The following KIF14 variants were observed in gnomAD, a reference collection of about 807,000 sequenced individuals.
KIF14 encodes kinesin family member 14.
A neutral mutation model predicts 176.2 loss-of-function variants in KIF14; 98 were observed. That is an observed-to-expected ratio of 0.56 (90% CI 0.47 to 0.66). The LOEUF (loss-of-function observed/expected upper bound fraction) is 0.66, where lower values mean the gene tolerates loss of function less well. Ranked by LOEUF, KIF14 falls within the 30% of genes least tolerant of loss-of-function variation. The pLI is 0.00. For synonymous variants in KIF14, 566 were observed against 632.2 expected, an observed-to-expected ratio of 0.90 and a Z score of 1.57; for missense variants, 1,751 against 1,920.4, an observed-to-expected ratio of 0.91 and a Z score of 1.65.
Position 200,580,257 on chromosome 1 carries a change from A to G in KIF14, c.3462T>C (p.Tyr1154=). Residue 1154 remains tyrosine (Y), a synonymous_variant, in exon 21 of 30, where the codon TAT becomes TAC. Transcript: ENST00000367350. The part of the protein sequence containing the change: ...ESKLAAMKEL[Y]ESNGSNRGED... ...AGATTTTAATAATATTCCAAACCTC[A>G]TAAAGTTCTTTCATTGCTGCAAGTT... 7.1e-7 allele frequency: 1 copy of G among 1,406,368 alleles called. No individual in the cohort carries two copies. Among genetic ancestry groups the G allele is most frequent in the Non-Finnish European group, 9.4e-7 (1 of 1,065,336 alleles). 87.1% of individuals were successfully genotyped at this position (1,406,368 alleles called of 1,614,324 possible).
At chr1:200,609,740 C>A (rs1345776376) in intron 4 of KIF14, among the ~76,000 whole-genome samples, 1 of 152,204 alleles carries the variant, frequency 6.6e-6, no homozygotes, top group African/African-American at 2.4e-5. Context: ...AAAACATGCA[C>A]CAGTGTTCAC....
At position 200,618,715 on chromosome 1, in the gene KIF14, T is replaced by TA. The variant is rs764882468; in HGVS notation, c.8dup (p.Leu3PhefsTer6). The TA allele has an allele frequency of 4.4e-6, 7 of 1,596,444 alleles. No individual in the cohort carries two copies. Among genetic ancestry groups the TA allele is most frequent in the Non-Finnish European group, 6.0e-6 (7 of 1,171,488 alleles). On this transcript the variant is annotated frameshift_variant, in exon 2 of 30. Transcript: ENST00000367350. LOFTEE classifies it high-confidence loss of function. ...TGTTATTTCTATTATGAGTACTGTGTAATGACATTTTGGCAGACAGTTATT... is the reference window on the plus strand; with the variant it reads ...TGTTATTTCTATTATGAGTACTGTGTAAATGACATTTTGGCAGACAGTTATT...
Position 200,606,818 on chromosome 1 carries a change from G to A in KIF14, c.1555-20C>T. The A allele has an allele frequency of 6.3e-7, 1 of 1,581,206 alleles. No individual in the cohort carries two copies. The highest frequency in any genetic ancestry group is 8.7e-7 in the Non-Finnish European group (1 of 1,150,966). Reference sequence around the variant, plus strand: ...TCTCAGCTAGAAGAAGCAAATACATGCATCATTAGGAGTATGACAAATATT... The same window carrying A: ...TCTCAGCTAGAAGAAGCAAATACATACATCATTAGGAGTATGACAAATATT... On this transcript the variant is annotated intron_variant, in intron 5 of 29. Transcript: ENST00000367350.
Position 200,615,569 on chromosome 1 carries a change from C to T in KIF14, c.1153G>A (p.Gly385Arg). ...GGGTGTTCCACAGTTATTTCTTTCC[C>T]ACTCATGAAGACTACCTGGGATGCT... ...EKASQVVFMS[G>R]KEITVEHPDT... The change falls in exon 3 of 30, where the codon GGG becomes AGG. Residue 385 changes from glycine (G) to arginine (R), a missense_variant. Coordinates refer to ENST00000367350, the MANE Select transcript of KIF14 (RefSeq NM_014875.3). 1 of 1,613,772 alleles carries T rather than the reference C, an allele frequency of 6.2e-7. No homozygotes were observed. The highest frequency in any genetic ancestry group is 2.2e-5 in the East Asian group (1 of 44,874).
intron 22 of KIF14, among the ~76,000 whole-genome samples, 189 bp from the exon 23 acceptor site, chr1:200,570,194 C>T (rs1386087368): frequency 6.6e-6 from 1 of 152,118 alleles, no homozygotes; most frequent in Non-Finnish European, 1.5e-5. Flanking sequence ...CTGTTCTAGG[C>T]AGATAGTTAA....
intron 23 of KIF14, among the ~76,000 whole-genome samples, chr1:200,568,627 C>A (rs1387212117): frequency 2.0e-5 from 3 of 152,270 alleles, no homozygotes; most frequent in South Asian, 2.1e-4. Context: ...CCCCACTTAG[C>A]TCAATGTATA....
At chr1:200,555,499 A>G (rs746989658) in intron 27 of KIF14, 45 bp from the exon 28 acceptor site, 1 of 1,166,322 alleles carries the variant, frequency 8.6e-7, no homozygotes, top group Non-Finnish European at 1.2e-6. Context: ...ATTATTCAGA[A>G]GTACAAAAAT....
At chr1:200,569,278 A>G (rs915163564) in intron 23 of KIF14, among the ~76,000 whole-genome samples, 2 of 152,158 alleles carry the variant, frequency 1.3e-5, no homozygotes, top group Non-Finnish European at 2.9e-5. Flanking sequence ...CACATATAAA[A>G]TTTACAGTGT....
chr1:200,611,042 T>C (rs1227566941), intron 4 of KIF14, among the ~76,000 whole-genome samples: 1 of 152,184 alleles, frequency 6.6e-6, no homozygotes, highest in Non-Finnish European at 1.5e-5. Flanking sequence ...TTAGATTAAG[T>C]GGGCTGAGCT....
At chr1:200,597,384 A>G (rs1659406970) in intron 14 of KIF14, among the ~76,000 whole-genome samples, 1 of 152,234 alleles carries the variant, frequency 6.6e-6, no homozygotes, top group Admixed American at 6.5e-5. Context: ...TAAGCAAATC[A>G]GTTGAAAAAT....
In KIF14 at chr1:200,565,443, A is replaced by T; in HGVS notation, c.3886+2T>A. The stretch of plus-strand genomic sequence containing the variant: ...GTTAACAAAAGCAGTGAGATTGCTT[A>T]CAGTTATCTTGACTTTCTTCATCTT... On this transcript the variant is annotated splice_donor_variant, in intron 24 of 29. Transcript: ENST00000367350. LOFTEE classifies it high-confidence loss of function. The T allele has an allele frequency of 6.3e-7, 1 of 1,575,896 alleles. No homozygotes were observed. The highest frequency in any genetic ancestry group is 8.6e-7 in the Non-Finnish European group (1 of 1,162,110).
chr1:200,569,029 G>A (rs992037692), intron 23 of KIF14, among the ~76,000 whole-genome samples: 1 of 149,940 alleles, frequency 6.7e-6, no homozygotes, highest in African/African-American at 2.5e-5. Context: ...AGGTTCAAGC[G>A]ATTCTCCCGC....
intron 9 of KIF14, 101 bp downstream of exon 9, chr1:200,603,738 A>T: frequency 1.4e-6 from 1 of 711,572 alleles, no homozygotes; most frequent in Non-Finnish European, 2.5e-6. Context: ...CTGCAGATAA[A>T]GATATATTTG....
intron 6 of KIF14, among the ~76,000 whole-genome samples, chr1:200,606,226 A>G (rs1487391416): frequency 6.6e-6 from 1 of 152,204 alleles, no homozygotes; most frequent in Non-Finnish European, 1.5e-5. Context: ...GTGGGTGTAT[A>G]TGGGTCCCAA....
chr1:200,589,803 T>C lies in KIF14; in HGVS notation c.2961+322A>G, dbSNP rs151140988. Among the ~76,000 whole-genome samples the C allele has an allele frequency of 4.3e-3, 637 of 148,662 alleles. 2 individuals carry two copies. Among genetic ancestry groups the C allele is most frequent in the African/African-American group, 0.015 (615 of 40,308 alleles). ...AGTAGCTGGGACTACAGGCGCATGC[T>C]ACCACACCCAGCTAATGTTTTAAAC... On this transcript the variant is annotated intron_variant, in intron 17 of 29. Transcript: ENST00000367350.
In KIF14 at chr1:200,617,788, T is replaced by G. The variant is rs531645171; in HGVS notation, c.936A>C (p.Gln312His). The change falls in exon 2 of 30, where the codon CAA becomes CAC. Residue 312 changes from glutamine (Q) to histidine (H), a missense_variant. Coordinates refer to ENST00000367350, the MANE Select transcript of KIF14 (RefSeq NM_014875.3). ...AGGAACTTTTTGGTCTTTGTTTAAC[T>G]TGAAGGTTAGACATTCTATTCTTCA... ...SILKNRMSNL[Q>H]VKQRPKSSFL... 3 of 1,614,176 alleles carry G rather than the reference T, an allele frequency of 1.9e-6. No homozygotes were observed. The African/African-American group carries it at 4.0e-5, about 22-fold the overall frequency.
At position 200,603,282 on chromosome 1, in the gene KIF14, C is replaced by A. The variant is rs149518634; in HGVS notation, c.1923G>T (p.Ser641=). The change falls in exon 10 of 30, where the codon TCG becomes TCT. Residue 641 remains serine (S), a synonymous_variant. Coordinates refer to ENST00000367350, the MANE Select transcript of KIF14 (RefSeq NM_014875.3). ...LTLGKVISAL[S]EQANQRSVFI... Reference sequence around the variant, plus strand: ...AAACACTCCTTTGGTTTGCTTGTTCCGAAAGTGCAGATATAACTTTTCCCA... The same window carrying A: ...AAACACTCCTTTGGTTTGCTTGTTCAGAAAGTGCAGATATAACTTTTCCCA... 2.2e-5 allele frequency: 36 copies of A among 1,608,772 alleles called. No individual in the cohort carries two copies. Among genetic ancestry groups the A allele is most frequent in the Non-Finnish European group, 2.8e-5 (33 of 1,176,590 alleles).
chr1:200,597,670 A>G (rs1226482616), intron 14 of KIF14, among the ~76,000 whole-genome samples: 3 of 152,232 alleles, frequency 2.0e-5, no homozygotes, highest in Non-Finnish European at 2.9e-5. Context: ...CATATTCTAC[A>G]ACCTAGTATC....
chr1:200,592,460 C>T (rs976831802), intron 15 of KIF14, among the ~76,000 whole-genome samples: 3 of 152,138 alleles, frequency 2.0e-5, no homozygotes, highest in Non-Finnish European at 4.4e-5. Flanking sequence ...ACTGCAACCT[C>T]GGCCTCACGG....
Sources: gnomAD v4.1 joint callset for allele counts (sites outside exome capture counted in the v4.1 genomes callset) on GRCh38, gnomAD v4.1.1 for gene constraint, MANE v1.5 for transcripts, NCBI Gene and HGNC (gene_info 2026-07-23, HGNC 2026-07-21) for gene names.